The following CHD2 variants were observed in gnomAD, a reference collection of about 807,000 sequenced individuals.
The protein encoded by CHD2 is ATP-dependent chromatin remodeler CHD2.
Under a neutral mutation model 243.9 loss-of-function variants are expected in CHD2, and 28 were observed. That is an observed-to-expected ratio of 0.11 (90% CI 0.09 to 0.16). CHD2 has a LOEUF of 0.16. CHD2 is among the 10% of genes least tolerant of loss of function. The pLI is 1.00. For missense variants in CHD2, 1,386 were observed against 2,209.8 expected (o/e 0.63, Z 7.47); for synonymous variants, 775 against 779.0 (o/e 0.99, Z 0.09).
Position 92,942,934 on chromosome 15 carries a change from G to A in CHD2, c.918G>A (p.Gln306=), listed in dbSNP as rs373093638. ...CTGAAAAGGATGAAGGTGAAATCCA[G>A]TACCTCATCAAGTGGAAGGGTTGGT... ...FDTEKDEGEI[Q]YLIKWKGWSY... The change falls in exon 9 of 39, where the codon CAG becomes CAA. Residue 306 remains glutamine, a synonymous_variant. Transcript: ENST00000394196. 4.3e-6 allele frequency: 7 copies of A among 1,613,978 alleles called. No homozygotes were observed. The African/African-American group carries it at 9.3e-5, about 22-fold the overall frequency.
At chr15:92,980,348 A>G (rs2053963709) in intron 22 of CHD2, among the ~76,000 whole-genome samples, 1 of 150,954 alleles carries the variant, frequency 6.6e-6, no homozygotes, top group South Asian at 2.1e-4. Context: ...GGTGTGAGCC[A>G]TTGTGCCCGC....
chr15:92,909,939 C>T (rs1416383953), intron 2 of CHD2, among the ~76,000 whole-genome samples: 6 of 149,122 alleles, frequency 4.0e-5, no homozygotes, highest in Non-Finnish European at 8.9e-5. Flanking sequence ...AAGGGTTTTA[C>T]GTGTGTGTGT....
At chr15:92,927,976 T>C (rs1274104362) in intron 4 of CHD2, among the ~76,000 whole-genome samples, 1 of 152,202 alleles carries the variant, frequency 6.6e-6, no homozygotes, top group African/African-American at 2.4e-5. Flanking sequence ...TGGATTCTTA[T>C]TCTGAATTAG....
At chr15:93,014,347 T>C (rs1177921375) in intron 36 of CHD2, among the ~76,000 whole-genome samples, 1 of 152,198 alleles carries the variant, frequency 6.6e-6, no homozygotes, top group Non-Finnish European at 1.5e-5. Context: ...GTGGTTAGCC[T>C]TGGAAAGTTG....
intron 11 of CHD2, 83 bp downstream of exon 11, chr15:92,945,948 G>T: frequency 6.9e-7 from 1 of 1,451,628 alleles, no homozygotes. Flanking sequence ...TTTGCCACAT[G>T]ATGTTTTATT....
rs546387346 is a variant in CHD2 at position 92,993,023 on chromosome 15, T to C, written c.3595+25T>C. ...GGTAAGCGAAGTTGGCTTTAGTGAG[T>C]CTTCGCAACCTGGCACTCTTGGACT... On this transcript the variant is annotated intron_variant, in intron 28 of 38. Coordinates refer to ENST00000394196, the MANE Select transcript of CHD2 (RefSeq NM_001271.4). The C allele has an allele frequency of 2.0e-5, 32 of 1,611,806 alleles. No homozygotes were observed. In the East Asian group the frequency reaches 6.7e-4, roughly 34 times the overall value.
At chr15:93,014,154 T>G (rs2054429362) in intron 36 of CHD2, among the ~76,000 whole-genome samples, 1 of 152,210 alleles carries the variant, frequency 6.6e-6, no homozygotes, top group Non-Finnish European at 1.5e-5. Flanking sequence ...TGCCAAATTA[T>G]TAACAGTAAT....
intron 21 of CHD2, 54 bp from the exon 22 acceptor site, chr15:92,979,081 T>TG: frequency 2.5e-6 from 4 of 1,580,000 alleles, no homozygotes; most frequent in Middle Eastern, 1.8e-4. Flanking sequence ...TCTCTTTTTT[T>TG]GGGGGGGTTG....
Position 92,997,403 on chromosome 15 carries a change from A to G in CHD2, c.3885A>G (p.Lys1295=). 6.3e-7 allele frequency: 1 copy of G among 1,576,780 alleles called. No homozygotes were observed. The part of the protein sequence containing the change: ...KTDPELKLTD[K]ILPVETDKKP... Reference sequence around the variant, plus strand: ...ACCCAGAGCTTAAATTAACTGACAAAGTAAGTAACCCTACCATGCTAGAGA... The same window carrying G: ...ACCCAGAGCTTAAATTAACTGACAAGGTAAGTAACCCTACCATGCTAGAGA... The change falls in exon 30 of 39, where the codon AAA becomes AAG. Residue 1295 remains lysine (K), a splice_region_variant and synonymous_variant. Transcript: ENST00000394196. This position sits in a 1 kb window ranked among gnomAD's most constrained non-coding sequence, Gnocchi z 4.1.
intron 3 of CHD2, among the ~76,000 whole-genome samples, chr15:92,926,680 T>C (rs1042436092): frequency 3.9e-5 from 6 of 152,182 alleles, no homozygotes; most frequent in African/African-American, 1.4e-4. Flanking sequence ...GAATAAAAAA[T>C]AGATGTGTTA....
At chr15:92,962,338 T>C (rs1017146098) in intron 16 of CHD2, among the ~76,000 whole-genome samples, 1 of 152,158 alleles carries the variant, frequency 6.6e-6, no homozygotes, top group Admixed American at 6.5e-5. Context: ...TATGCACTGC[T>C]TTAGCTGCAT....
chr15:92,940,781 TA>T (rs1196016718), intron 7 of CHD2, among the ~76,000 whole-genome samples: 21 of 138,160 alleles, frequency 1.5e-4, no homozygotes, highest in African/African-American at 2.6e-4. Flanking sequence ...ATAAAAAATA[TA>T]AAAAATATAT....
chr15:92,902,049 T>C, intron 2 of CHD2: 1 of 394,302 alleles, frequency 2.5e-6, no homozygotes, highest in Non-Finnish European at 4.5e-6. Context: ...AGTTGTATAT[T>C]TTACATTTAA....
chr15:92,967,537 C>T, intron 17 of CHD2, 24 bp downstream of exon 17: 1 of 1,600,096 alleles, frequency 6.2e-7, no homozygotes, highest in South Asian at 1.1e-5. Flanking sequence ...TGGGTTAGGC[C>T]TGAAGGGGTT....
At chr15:92,914,692 T>C (rs2052801474) in intron 2 of CHD2, among the ~76,000 whole-genome samples, 1 of 152,246 alleles carries the variant, frequency 6.6e-6, no homozygotes, top group African/African-American at 2.4e-5. Context: ...CTTTTTCTTA[T>C]ACATGTACCT....
chr15:92,908,303 C>T (rs2052660086), intron 2 of CHD2, among the ~76,000 whole-genome samples: 1 of 152,186 alleles, frequency 6.6e-6, no homozygotes, highest in South Asian at 2.1e-4. Context: ...CTGTAGCTTG[C>T]TTTCAGTGTT....
rs2141696327 is a variant in CHD2, at chr15:92,900,688, G to C, written c.-208G>C. 2.5e-6 allele frequency: 1 copy of C among 398,164 alleles called. No homozygotes were observed. Among genetic ancestry groups the C allele is most frequent in the East Asian group, 3.6e-5 (1 of 28,066 alleles). 24.7% of individuals were successfully genotyped at this position (398,164 alleles called of 1,614,324 possible). On this transcript the variant is annotated 5_prime_UTR_variant, in exon 1 of 39. Coordinates refer to ENST00000394196, the MANE Select transcript of CHD2 (RefSeq NM_001271.4). ...AATTATTGCTTTATTTTTTTGACCA[G>C]TTAACATATTTGAGGGTTATTTTAT...
intron 26 of CHD2, among the ~76,000 whole-genome samples, chr15:92,989,025 C>CTTTTTTTTTTT (rs34298248): frequency 2.6e-5 from 2 of 76,514 alleles, no homozygotes; most frequent in African/African-American, 1.0e-4. Flanking sequence ...ATACTTCATA[C>CTTTTTTTTTTT]TTTTTTTTTT....
intron 13 of CHD2, chr15:92,949,278 T>C: frequency 7.7e-7 from 1 of 1,304,488 alleles, no homozygotes; most frequent in Non-Finnish European, 9.9e-7. Context: ...CATTTTATTC[T>C]GATCTAAAGA....
Sources: gnomAD v4.1 joint callset for allele counts (sites outside exome capture counted in the v4.1 genomes callset) on GRCh38, gnomAD v4.1.1 for gene constraint, Gnocchi (gnomAD v3.1) non-coding constraint, MANE v1.5 for transcripts, NCBI Gene and HGNC (gene_info 2026-07-23, HGNC 2026-07-21) for gene names.